AGMO: variants seen among roughly 807,000 people sequenced by gnomAD.
AGMO encodes the protein glyceryl-ether monooxygenase.
AGMO carries 75 observed loss-of-function variants against 60.2 expected under a neutral mutation model. The ratio of observed to expected loss-of-function variants is 1.25; its 90% CI spans 1.03 to 1.51. The LOEUF is 1.51. Ranked by LOEUF, AGMO falls within the 40% of genes most tolerant of loss-of-function variation. The pLI is 0.00. For missense variants in AGMO, 763 were observed against 525.5 expected (o/e 1.45, Z -4.42); for synonymous variants, 261 against 177.1 (o/e 1.47, Z -3.76).
intron 3 of AGMO, among the ~76,000 whole-genome samples, chr7:15,528,338 T>C (rs1051775485): frequency 2.0e-5 from 3 of 152,232 alleles, no homozygotes; most frequent in Middle Eastern, 3.4e-3. Context: ...AAAATTGGTG[T>C]GAGTTTCTTG....
chr7:15,171,971 T>C, the AGMO span, among the ~76,000 whole-genome samples: 6 of 152,138 alleles, frequency 3.9e-5, no homozygotes, highest in African/African-American at 1.4e-4. Flanking sequence ...ACAAAACAAG[T>C]ATTGAGGGCC....
At chr7:15,388,196 A>G (rs986059003) in intron 8 of AGMO, among the ~76,000 whole-genome samples, 1 of 152,230 alleles carries the variant, frequency 6.6e-6, no homozygotes, top group East Asian at 1.9e-4. Flanking sequence ...TGCTTAAAAT[A>G]TGACAATAAG....
In AGMO at chr7:15,354,371, CGTGTGTATACACGT is replaced by C. The variant is rs1207252003; in HGVS notation, c.1263+11129_1263+11142del. ...GTGTATATAGACGTGTGTATATAGACGTGTGTATACACGTGTGTGTATACACGTGTGTGTACACA... is the reference window on the plus strand; with the variant it reads ...GTGTATATAGACGTGTGTATATAGACGTGTGTATACACGTGTGTGTACACA... On this transcript the variant is annotated intron_variant, in intron 12 of 12. Transcript: ENST00000342526. 8.9e-4 allele frequency among the ~76,000 whole-genome samples: 49 copies of C among 55,196 alleles called. 4 individuals carry two copies. Among genetic ancestry groups the C allele is most frequent in the Non-Finnish European group, 1.1e-3 (36 of 32,412 alleles). 36.2% of individuals were successfully genotyped at this position (55,196 alleles called of 152,430 possible).
the AGMO span, among the ~76,000 whole-genome samples, chr7:15,189,777 G>T: frequency 1.3e-5 from 2 of 151,068 alleles, no homozygotes; most frequent in East Asian, 3.9e-4. Flanking sequence ...AATAGAAAAA[G>T]CTATTTCTTG....
At chr7:15,484,615 C>T (rs1709697086) in intron 3 of AGMO, among the ~76,000 whole-genome samples, 1 of 152,168 alleles carries the variant, frequency 6.6e-6, no homozygotes, top group South Asian at 2.1e-4. Context: ...GTAGGTATTC[C>T]GCTCTTGAAA....
rs560299805 is a variant in AGMO at position 15,377,559 on chromosome 7, G to C, written c.1074+7887C>G. 3.2e-4 allele frequency among the ~76,000 whole-genome samples: 48 copies of C among 152,156 alleles called. 1 individual carries two copies. The highest frequency in any genetic ancestry group is 1.1e-3 in the African/African-American group (46 of 41,520). On this transcript the variant is annotated intron_variant, in intron 10 of 12. Transcript: ENST00000342526. ...TGGAGGCTCACATAGCTTAAAATGA[G>C]TAAGTCTCCATCTTTTGTTTCTATG...
At chr7:15,252,347 C>A (rs1050756135) in intron 12 of AGMO, among the ~76,000 whole-genome samples, 3 of 152,142 alleles carry the variant, frequency 2.0e-5, no homozygotes, top group African/African-American at 7.2e-5. Flanking sequence ...CTGTGATATT[C>A]CTTCCCTTTG....
At chr7:15,247,490 G>GGAGAGAGAGA (rs1172410783) in intron 12 of AGMO, among the ~76,000 whole-genome samples, 1 of 98,006 alleles carries the variant, frequency 1.0e-5, no homozygotes, top group African/African-American at 3.8e-5. Context: ...GGAGAGAGAG[G>GGAGAGAGAGA]GAGAGAGAGA....
At chr7:15,406,925 ACACGCG>A (rs1784714992) in intron 5 of AGMO, among the ~76,000 whole-genome samples, 4 of 134,046 alleles carry the variant, frequency 3.0e-5, no homozygotes, top group South Asian at 2.4e-4. Flanking sequence ...TTTGGAATAC[ACACGCG>A]CACACACACA....
intron 3 of AGMO, among the ~76,000 whole-genome samples, chr7:15,507,125 C>A (rs910943740): frequency 3.3e-5 from 5 of 151,926 alleles, no homozygotes; most frequent in African/African-American, 1.2e-4. Flanking sequence ...ATTTTATATG[C>A]AGCCATTCTG....
At chr7:15,390,468 T>G (rs1236028226) in intron 8 of AGMO, among the ~76,000 whole-genome samples, 1 of 152,210 alleles carries the variant, frequency 6.6e-6, no homozygotes, top group Non-Finnish European at 1.5e-5. Context: ...TATTTGAAAA[T>G]TACTTGTTTT....
the AGMO span, among the ~76,000 whole-genome samples, chr7:15,135,640 T>C: frequency 2.6e-5 from 4 of 152,266 alleles, no homozygotes; most frequent in Middle Eastern, 3.4e-3. Flanking sequence ...AAGAAGGAAT[T>C]ATATCTGATA....
At chr7:15,371,065 C>T (rs1252070231) in intron 10 of AGMO, among the ~76,000 whole-genome samples, 1 of 152,078 alleles carries the variant, frequency 6.6e-6, no homozygotes, top group East Asian at 1.9e-4. Flanking sequence ...TAGCCATATG[C>T]AGAAGAATGA....
chr7:15,207,337 G>C (rs537812014), intron 12 of AGMO, among the ~76,000 whole-genome samples: 2 of 152,198 alleles, frequency 1.3e-5, no homozygotes, highest in South Asian at 4.2e-4. Flanking sequence ...CTTTGATTTG[G>C]AAGTTATGAA....
At chr7:15,165,671 A>AT in the AGMO span, among the ~76,000 whole-genome samples, 1 of 152,088 alleles carries the variant, frequency 6.6e-6, no homozygotes, top group Non-Finnish European at 1.5e-5. Context: ...GTCTAGTACA[A>AT]TTTTTTCCAT....
At position 15,443,812 on chromosome 7, in the gene AGMO, T is replaced by G. The variant is rs375154384; in HGVS notation, c.410-12704A>C. Among the ~76,000 whole-genome samples, 3 of 152,336 alleles carry G rather than the reference T, an allele frequency of 2.0e-5. No individual in the cohort carries two copies. In the East Asian group the frequency reaches 5.8e-4, roughly 29 times the overall value. ...CATAAACATTATATTGAAAAAAATC[T>G]GTATCTTCCTCCTTCTCATGTACTG... On this transcript the variant is annotated intron_variant, in intron 3 of 12. Transcript: ENST00000342526.
At chr7:15,384,530 C>T (rs906088103) in intron 10 of AGMO, among the ~76,000 whole-genome samples, 4 of 151,990 alleles carry the variant, frequency 2.6e-5, no homozygotes, top group Non-Finnish European at 5.9e-5. Context: ...TAAAGATAGG[C>T]GTATCTTAAC....
chr7:15,508,004 T>G (rs1783564851), intron 3 of AGMO, among the ~76,000 whole-genome samples: 1 of 152,012 alleles, frequency 6.6e-6, no homozygotes, highest in Admixed American at 6.6e-5. Flanking sequence ...TAATAAAATT[T>G]AAAATGGAAA....
the AGMO span, among the ~76,000 whole-genome samples, chr7:15,139,490 T>G: frequency 6.6e-6 from 1 of 152,140 alleles, no homozygotes; most frequent in Admixed American, 6.6e-5. Context: ...CATTAGTTAT[T>G]TGTCCTACTT....
Sources: allele counts gnomAD v4.1 joint callset (sites outside exome capture counted in the v4.1 genomes callset), GRCh38; gene constraint gnomAD v4.1.1; transcripts MANE v1.5; gene names NCBI Gene and HGNC (gene_info 2026-07-23, HGNC 2026-07-21).